SCAMP1: variants seen among roughly 807,000 people sequenced by gnomAD.
SCAMP1 encodes secretory carrier-associated membrane protein 1.
In SCAMP1, 15 loss-of-function variants were observed where a neutral mutation model predicts 41.8. That is an observed-to-expected ratio of 0.36 (90% CI 0.24 to 0.55). The LOEUF is 0.55. Among genes scored for constraint, SCAMP1 ranks in the 20% least tolerant of loss-of-function variants. The pLI is 0.86. For missense variants in SCAMP1, 341 were observed against 412.6 expected, an observed-to-expected ratio of 0.83 and a Z score of 1.50; for synonymous variants, 135 against 136.8, an observed-to-expected ratio of 0.99 and a Z score of 0.09.
At chr5:78,375,104 A>G (rs1751033990) in intron 1 of SCAMP1, among the ~76,000 whole-genome samples, 1 of 152,082 alleles carries the variant, frequency 6.6e-6, no homozygotes, top group Admixed American at 6.6e-5. Context: ...GGAAAAATTG[A>G]ACTCAGGGGA....
At chr5:78,469,905 A>C (rs1377533545) in intron 8 of SCAMP1, among the ~76,000 whole-genome samples, 20 of 49,506 alleles carry the variant, frequency 4.0e-4, no homozygotes, top group African/African-American at 2.6e-3. Flanking sequence ...AAAAAAAAAA[A>C]AAAAAAACAA....
chr5:78,367,780 G>A (rs1750836121), intron 1 of SCAMP1, among the ~76,000 whole-genome samples: 1 of 151,222 alleles, frequency 6.6e-6, no homozygotes, highest in Non-Finnish European at 1.5e-5. Context: ...AGTGGGAGGC[G>A]TGTAGCACCT....
intron 8 of SCAMP1, among the ~76,000 whole-genome samples, chr5:78,461,732 T>A (rs1580716358): frequency 6.6e-6 from 1 of 152,056 alleles, no homozygotes; most frequent in African/African-American, 2.4e-5. Flanking sequence ...CCTGGCTGAT[T>A]TTTGTATTTT....
At chr5:78,404,716 C>T (rs1751890062) in intron 2 of SCAMP1, among the ~76,000 whole-genome samples, 1 of 152,122 alleles carries the variant, frequency 6.6e-6, no homozygotes. Context: ...TGATAAGCCC[C>T]AACAGGTTAG....
intron 8 of SCAMP1, among the ~76,000 whole-genome samples, chr5:78,472,968 C>T (rs992666076): frequency 1.3e-5 from 2 of 152,082 alleles, no homozygotes; most frequent in Non-Finnish European, 2.9e-5. Flanking sequence ...GATAAGATTT[C>T]TATAATACAC....
At chr5:78,427,592 G>A (rs1376416155) in intron 6 of SCAMP1, among the ~76,000 whole-genome samples, 5 of 151,998 alleles carry the variant, frequency 3.3e-5, no homozygotes, top group Non-Finnish European at 5.9e-5. Context: ...TTTAAAACGT[G>A]TCTAAATTTT....
intron 5 of SCAMP1, among the ~76,000 whole-genome samples, chr5:78,419,814 T>A (rs1752296792): frequency 6.6e-6 from 1 of 152,198 alleles, no homozygotes; most frequent in Non-Finnish European, 1.5e-5. Flanking sequence ...TATGTCAAGT[T>A]GTTTTGGAAT....
chr5:78,465,819 G>A (rs947014101), intron 8 of SCAMP1, among the ~76,000 whole-genome samples: 2 of 152,212 alleles, frequency 1.3e-5, no homozygotes, highest in Non-Finnish European at 2.9e-5. Context: ...GGCAGAAGTT[G>A]AAACTCTGGT....
At chr5:78,467,585 T>C (rs539496335) in intron 8 of SCAMP1, among the ~76,000 whole-genome samples, 2 of 152,294 alleles carry the variant, frequency 1.3e-5, no homozygotes, top group Non-Finnish European at 2.9e-5. Context: ...TATTTTGTTG[T>C]TGTTGTTGTT....
intron 6 of SCAMP1, among the ~76,000 whole-genome samples, chr5:78,436,000 A>G (rs1027754606): frequency 3.9e-5 from 6 of 152,018 alleles, no homozygotes; most frequent in Non-Finnish European, 7.4e-5. Flanking sequence ...TTTTTCATGT[A>G]TCTTTTGGCT....
At chr5:78,444,553 A>G (rs952443693) in intron 6 of SCAMP1, among the ~76,000 whole-genome samples, 7 of 152,170 alleles carry the variant, frequency 4.6e-5, no homozygotes, top group African/African-American at 1.7e-4. Context: ...TCAAGATGAG[A>G]TTTGAGTGGG....
At chr5:78,444,666 T>C (rs970239794) in intron 6 of SCAMP1, among the ~76,000 whole-genome samples, 4 of 152,242 alleles carry the variant, frequency 2.6e-5, no homozygotes, top group African/African-American at 9.6e-5. Flanking sequence ...TTAGCAACCA[T>C]GTTCCAGAAA....
chr5:78,419,327 A>G (rs1752283971), intron 5 of SCAMP1, among the ~76,000 whole-genome samples: 1 of 152,248 alleles, frequency 6.6e-6, no homozygotes, highest in African/African-American at 2.4e-5. Context: ...TAAAATTATT[A>G]CATAAACTAA....
At chr5:78,470,171 G>T (rs1326131270) in intron 8 of SCAMP1, among the ~76,000 whole-genome samples, 1 of 151,842 alleles carries the variant, frequency 6.6e-6, no homozygotes, top group South Asian at 2.1e-4. Context: ...TTTTAATTGT[G>T]GCAAAATATG....
intron 6 of SCAMP1, among the ~76,000 whole-genome samples, chr5:78,423,320 G>A (rs376346563): frequency 6.6e-6 from 1 of 152,280 alleles, no homozygotes; most frequent in East Asian, 1.9e-4. Flanking sequence ...TGTAGAGATG[G>A]GTTGGAGAGG....
intron 6 of SCAMP1, among the ~76,000 whole-genome samples, chr5:78,439,780 A>G (rs1397389808): frequency 6.6e-6 from 1 of 151,940 alleles, no homozygotes; most frequent in Admixed American, 6.6e-5. Flanking sequence ...AGGTTGGGGA[A>G]GTTTTCCTGG....
chr5:78,423,210 G>A (rs943056926), intron 6 of SCAMP1, among the ~76,000 whole-genome samples: 5 of 151,916 alleles, frequency 3.3e-5, no homozygotes, highest in African/African-American at 1.2e-4. Flanking sequence ...GAGAGGAGGA[G>A]TGAAGGGAAG....
intron 8 of SCAMP1, among the ~76,000 whole-genome samples, chr5:78,474,197 C>T (rs139236069): frequency 6.6e-6 from 1 of 152,236 alleles, no homozygotes; most frequent in African/African-American, 2.4e-5. Flanking sequence ...ATGCAAGCTT[C>T]ACCTTCATGG....
At chr5:78,395,062 G>C (rs1175963859) in intron 2 of SCAMP1, among the ~76,000 whole-genome samples, 1 of 152,186 alleles carries the variant, frequency 6.6e-6, no homozygotes, top group African/African-American at 2.4e-5. Flanking sequence ...GCAGAGGTCA[G>C]ATTAGGTCAT....
Sources: allele counts gnomAD v4.1 joint callset (sites outside exome capture counted in the v4.1 genomes callset), GRCh38; gene constraint gnomAD v4.1.1; transcripts MANE v1.5; gene names NCBI Gene and HGNC (gene_info 2026-07-23, HGNC 2026-07-21).